Variants in SMYD2 observed in about 807,000 individuals in gnomAD.
SMYD2 encodes the protein N-lysine methyltransferase SMYD2.
In SMYD2, 53 loss-of-function variants were observed where a neutral mutation model predicts 59.1. The observed-to-expected ratio is 0.90, with a 90% CI of 0.72 to 1.13. SMYD2 has a LOEUF of 1.13. Ranked by LOEUF, SMYD2 falls within the 50% of genes most tolerant of loss-of-function variation. SMYD2 has a pLI of 0.00. For synonymous variants in SMYD2, 208 were observed against 198.8 expected (o/e 1.05, Z -0.39); for missense variants, 494 against 544.7 (o/e 0.91, Z 0.93).
intron 8 of SMYD2, 35 bp downstream of exon 8, chr1:214,330,313 A>C (rs1326311928): frequency 7.2e-7 from 1 of 1,397,512 alleles, no homozygotes. Context: ...CGCTGACTGC[A>C]CTCTGATCTC....
rs911206165 is a variant in SMYD2 at position 214,299,480 on chromosome 1, TATAC to T, written c.174-5705_174-5702del. Among the ~76,000 whole-genome samples, 144 of 28,076 alleles carry T rather than the reference TATAC, an allele frequency of 5.1e-3. 2 individuals carry two copies. Among genetic ancestry groups the T allele is most frequent in the African/African-American group, 0.019 (118 of 6,376 alleles). 18.4% of individuals were successfully genotyped at this position (28,076 alleles called of 152,430 possible). A position where few individuals can be genotyped will look rare whatever the true frequency, so the allele number is the denominator to read the frequency against. ...AAAGAAAACATTATATATATATATA[TATAC>T]ACCATAGAATACTATGCAGTCATAA... On this transcript the variant is annotated intron_variant, in intron 1 of 11. Coordinates refer to ENST00000366957, the MANE Select transcript of SMYD2 (RefSeq NM_020197.3).
intron 1 of SMYD2, among the ~76,000 whole-genome samples, chr1:214,301,000 G>T (rs1656814580): frequency 6.6e-6 from 1 of 152,130 alleles, no homozygotes; most frequent in Non-Finnish European, 1.5e-5. Context: ...AATTATGAAG[G>T]TTTATTCATT....
intron 3 of SMYD2, among the ~76,000 whole-genome samples, chr1:214,316,903 T>A (rs1331872406): frequency 6.6e-6 from 1 of 152,194 alleles, no homozygotes; most frequent in Non-Finnish European, 1.5e-5. Context: ...GGGAATAGGA[T>A]GACTGGGTGT....
intron 1 of SMYD2, among the ~76,000 whole-genome samples, chr1:214,288,286 C>T (rs1656582472): frequency 6.6e-6 from 1 of 152,206 alleles, no homozygotes; most frequent in Admixed American, 6.5e-5. Flanking sequence ...CTGGTATACA[C>T]AGGGCCTTAT....
intron 1 of SMYD2, among the ~76,000 whole-genome samples, chr1:214,282,008 C>T (rs943411958): frequency 2.6e-5 from 4 of 152,204 alleles, no homozygotes; most frequent in African/African-American, 9.7e-5. Context: ...CCCCTGGATT[C>T]TGAGGTGCTG....
chr1:214,334,076 G>A (rs1372117148), intron 10 of SMYD2, 124 bp from the exon 11 acceptor site: 4 of 749,590 alleles, frequency 5.3e-6, no homozygotes, highest in Non-Finnish European at 9.0e-6. Flanking sequence ...GGTGGGATTT[G>A]GAGAGGCCGC....
chr1:214,303,519 A>T (rs1477651272), intron 1 of SMYD2, among the ~76,000 whole-genome samples: 2 of 152,144 alleles, frequency 1.3e-5, no homozygotes, highest in Non-Finnish European at 1.5e-5. Flanking sequence ...TTCCTTTTTG[A>T]ACTATTGAGG....
At chr1:214,319,006 A>G (rs758896909) in intron 5 of SMYD2, 23 bp downstream of exon 5, 7 of 1,612,372 alleles carry the variant, frequency 4.3e-6, no homozygotes, top group Non-Finnish European at 5.9e-6. Flanking sequence ...GCAGCAGGTA[A>G]CACTCAGTCT....
intron 5 of SMYD2, among the ~76,000 whole-genome samples, chr1:214,320,254 G>A (rs1657149830): frequency 1.3e-5 from 2 of 152,152 alleles, no homozygotes; most frequent in Admixed American, 1.3e-4. Context: ...TATCAAAGCA[G>A]TATGAAAAGT....
Position 214,332,139 on chromosome 1 carries a change from G to T in SMYD2, c.1059G>T (p.Met353Ile), listed in dbSNP as rs1282276586. 1 of 1,614,202 alleles carries T rather than the reference G, an allele frequency of 6.2e-7. No homozygotes were observed. The highest frequency in any genetic ancestry group is 2.2e-5 in the East Asian group (1 of 44,886). Residue 353 changes from methionine to isoleucine, a missense_variant, in exon 10 of 12, where the codon ATG becomes ATT. Coordinates refer to ENST00000366957, the MANE Select transcript of SMYD2 (RefSeq NM_020197.3). ...AGGCCATGGGTGTCTGCTTGTACAT[G>T]CAGGACTGGGAAGGAGCCCTGCAAT... ...MYQAMGVCLY[M>I]QDWEGALQYG... is the part of the protein sequence containing the mutation.
At chr1:214,331,985 G>A (rs1381949078) in intron 9 of SMYD2, 33 bp from the exon 10 acceptor site, 1 of 1,596,646 alleles carries the variant, frequency 6.3e-7, no homozygotes, top group Admixed American at 1.7e-5. Flanking sequence ...AGGCAGCTTG[G>A]GCCCGGTGGC....
intron 1 of SMYD2, among the ~76,000 whole-genome samples, chr1:214,290,914 T>G (rs1656626706): frequency 6.6e-6 from 1 of 152,180 alleles, no homozygotes; most frequent in Admixed American, 6.5e-5. Context: ...GATGTTTGGA[T>G]AGGAAACATT....
intron 1 of SMYD2, among the ~76,000 whole-genome samples, chr1:214,301,218 C>A (rs920981482): frequency 3.3e-5 from 5 of 152,148 alleles, no homozygotes; most frequent in Admixed American, 6.5e-5. Flanking sequence ...AATAAAGCTT[C>A]ACATAGATAC....
chr1:214,316,400 G>C (rs1249888008), intron 3 of SMYD2, among the ~76,000 whole-genome samples: 1 of 151,710 alleles, frequency 6.6e-6, no homozygotes, highest in African/African-American at 2.4e-5. Flanking sequence ...AGAATTACTG[G>C]AACCCGGAAC....
At chr1:214,298,907 C>T (rs1039499172) in intron 1 of SMYD2, among the ~76,000 whole-genome samples, 1 of 152,178 alleles carries the variant, frequency 6.6e-6, no homozygotes, top group Non-Finnish European at 1.5e-5. Flanking sequence ...AATCCCAGCA[C>T]TTTGGGAGGC....
chr1:214,293,048 TG>T, intron 1 of SMYD2, among the ~76,000 whole-genome samples: 1 of 144,476 alleles, frequency 6.9e-6, no homozygotes, highest in African/African-American at 2.7e-5. Flanking sequence ...TGTGTGTGTG[TG>T]TGTGTGTGTG....
chr1:214,281,443 C>CGGT lies in SMYD2; in HGVS notation c.173+18_173+19insTGG. The stretch of plus-strand genomic sequence containing the variant: ...GCTTCACCAGGTAGGGCGGCGGCGG[C>CGGT]GGCGGCGGCGGGCGGGAGCCGGGGG... On this transcript the variant is annotated intron_variant, in intron 1 of 11. Coordinates refer to ENST00000366957, the MANE Select transcript of SMYD2 (RefSeq NM_020197.3). 1 of 1,384,058 alleles carries CGGT rather than the reference C, an allele frequency of 7.2e-7. No individual in the cohort carries two copies. Among genetic ancestry groups the CGGT allele is most frequent in the South Asian group, 1.9e-5 (1 of 53,064 alleles). 85.7% of individuals were successfully genotyped at this position (1,384,058 alleles called of 1,614,324 possible). A position where few individuals can be genotyped will look rare whatever the true frequency, so the allele number is the denominator to read the frequency against.
chr1:214,296,787 G>A (rs1483456319), intron 1 of SMYD2, among the ~76,000 whole-genome samples: 2 of 150,994 alleles, frequency 1.3e-5, no homozygotes, highest in Admixed American at 6.6e-5. Flanking sequence ...GGATTTGAGA[G>A]AGGGAAGTGG....
At chr1:214,297,972 A>G (rs1306529135) in intron 1 of SMYD2, among the ~76,000 whole-genome samples, 1 of 152,234 alleles carries the variant, frequency 6.6e-6, no homozygotes, top group East Asian at 1.9e-4. Context: ...ATATGTCCAT[A>G]CTGCCCAAAG....
Sources: allele counts gnomAD v4.1 joint callset (sites outside exome capture counted in the v4.1 genomes callset), GRCh38; gene constraint gnomAD v4.1.1; transcripts MANE v1.5; gene names NCBI Gene and HGNC (gene_info 2026-07-23, HGNC 2026-07-21).